PHEX: variants seen among roughly 807,000 people sequenced by gnomAD.
The protein encoded by PHEX is phosphate regulating endopeptidase X-linked, also known as phosphate-regulating neutral endopeptidase PHEX.
Under a neutral mutation model 68.0 loss-of-function variants are expected in PHEX, and 16 were observed. The ratio of observed to expected loss-of-function variants is 0.24; its 90% confidence interval spans 0.16 to 0.36. The LOEUF is 0.36. PHEX is among the 10% of genes least tolerant of loss of function. PHEX has a pLI of 1.00. For synonymous variants in PHEX, 208 were observed against 205.1 expected (o/e 1.01, Z -0.12); for missense variants, 480 against 575.5 (o/e 0.83, Z 1.70).
chrX:22,228,262 C>T lies in PHEX; in HGVS notation c.2070+651C>T, dbSNP rs542127270. Among the ~76,000 whole-genome samples the T allele has an allele frequency of 1.5e-4, 17 of 111,517 alleles. No individual in the cohort carries two copies. The South Asian group carries it at 6.3e-3, about 41-fold the overall frequency. ...TATACTGGTTTATGTCATAAACATA[C>T]GGGCAGCCTTTTCAAAGAAGTCAGG... On this transcript the variant is annotated intron_variant, in intron 20 of 21. Transcript: ENST00000379374.
chrX:22,133,336 T>C (rs775883106), intron 11 of PHEX, among the ~76,000 whole-genome samples, 187 bp from the exon 12 acceptor site: 1 of 112,088 alleles, frequency 8.9e-6, no homozygotes, highest in Non-Finnish European at 1.9e-5. Flanking sequence ...AGTTATCTTT[T>C]AGTGGTGGAA....
intron 12 of PHEX, among the ~76,000 whole-genome samples, chrX:22,139,598 C>T (rs1932371110): frequency 9.1e-6 from 1 of 110,445 alleles, no homozygotes; most frequent in South Asian, 3.9e-4. Flanking sequence ...ACCTTAGCCT[C>T]CTGAGTATCT....
At chrX:22,102,136 C>T (rs1930458205) in intron 9 of PHEX, among the ~76,000 whole-genome samples, 1 of 111,744 alleles carries the variant, frequency 8.9e-6, no homozygotes, top group Non-Finnish European at 1.9e-5. Flanking sequence ...ACTATAGTTA[C>T]CTGTTGTGCT....
rs1928715980 is a variant in PHEX at position 22,068,459 on chromosome X, T to A, written c.350-7929T>A. ...AATTCCATGAGGGCATAGCTGCCTCTCATTTAGCCACTGGGGGCCCATTCT... is the reference window on the plus strand; with the variant it reads ...AATTCCATGAGGGCATAGCTGCCTCACATTTAGCCACTGGGGGCCCATTCT... On this transcript the variant is annotated intron_variant, in intron 3 of 21. Transcript: ENST00000379374. Among the ~76,000 whole-genome samples the A allele has an allele frequency of 2.7e-5, 3 of 112,173 alleles. No individual in the cohort carries two copies. The Admixed American group carries it at 2.8e-4, about 11-fold the overall frequency.
In PHEX at chrX:22,245,347, C is replaced by T; in HGVS notation, c.2085C>T (p.Ser695=). 8.3e-7 allele frequency: 1 copy of T among 1,207,490 alleles called. No individual in the cohort carries two copies. The highest frequency in any genetic ancestry group is 1.1e-6 in the Non-Finnish European group (1 of 891,711). ...TTCTCTTCTAGGTGAGGTGCAATTC[C>T]TACAGACCAGAAGCTGCCCGAGAAC... ...FLSYAHVRCN[S]YRPEAAREQV... Residue 695 remains serine (S), a synonymous_variant, in exon 21 of 22, where the codon TCC becomes TCT. Coordinates refer to ENST00000379374, the MANE Select transcript of PHEX (RefSeq NM_000444.6).
At chrX:22,240,851 T>C (rs1936164609) in intron 20 of PHEX, among the ~76,000 whole-genome samples, 1 of 111,002 alleles carries the variant, frequency 9.0e-6, no homozygotes, top group South Asian at 3.8e-4. Context: ...CTGCCAACAC[T>C]AGACAGATTG....
intron 15 of PHEX, among the ~76,000 whole-genome samples, chrX:22,206,997 G>T (rs1358999440): frequency 8.9e-6 from 1 of 111,939 alleles, no homozygotes; most frequent in Non-Finnish European, 1.9e-5. Flanking sequence ...TGAGCCTGGG[G>T]TAATCACCCA....
intron 5 of PHEX, 68 bp from the exon 6 acceptor site, chrX:22,090,361 A>G: frequency 1.1e-5 from 9 of 855,962 alleles, no homozygotes; most frequent in Non-Finnish European, 1.4e-5. Flanking sequence ...CGATTTCATC[A>G]CTCTTGTTAA....
chrX:22,194,360 A>G (rs1934297361), intron 15 of PHEX, among the ~76,000 whole-genome samples: 1 of 111,326 alleles, frequency 9.0e-6, no homozygotes, highest in Non-Finnish European at 1.9e-5. Context: ...CTGGACTACA[A>G]ATTAAGACAG....
At chrX:22,241,065 TAAC>T (rs1569440729) in intron 20 of PHEX, among the ~76,000 whole-genome samples, 4 of 111,864 alleles carry the variant, frequency 3.6e-5, no homozygotes, top group African/African-American at 1.3e-4. Context: ...ATGAAAATCA[TAAC>T]AAACAGTCTC....
intron 9 of PHEX, among the ~76,000 whole-genome samples, chrX:22,110,383 A>C (rs941924817): frequency 4.4e-5 from 5 of 112,517 alleles, no homozygotes; most frequent in African/African-American, 1.6e-4. Flanking sequence ...AAAGCAAGTA[A>C]GATAATTTTT....
chrX:22,131,019 T>C (rs1931970295), intron 11 of PHEX, among the ~76,000 whole-genome samples: 1 of 110,892 alleles, frequency 9.0e-6, no homozygotes, highest in Non-Finnish European at 1.9e-5. Flanking sequence ...TTTTATTTTA[T>C]TTAGAAATTT....
At chrX:22,231,964 T>G (rs1013694066) in intron 20 of PHEX, among the ~76,000 whole-genome samples, 1 of 111,860 alleles carries the variant, frequency 8.9e-6, no homozygotes, top group Non-Finnish European at 1.9e-5. Context: ...TTCTGGTACA[T>G]TGTGTCTTTG....
chrX:22,230,429 G>C lies in PHEX; in HGVS notation c.2070+2818G>C, dbSNP rs5904631. Reference sequence around the variant, plus strand: ...CATGAGCATGGAATGTTTTTCCATTGGTTTGTGTTCTCTCTTATTTCCTTG... The same window carrying C: ...CATGAGCATGGAATGTTTTTCCATTCGTTTGTGTTCTCTCTTATTTCCTTG... On this transcript the variant is annotated intron_variant, in intron 20 of 21. Coordinates refer to ENST00000379374, the MANE Select transcript of PHEX (RefSeq NM_000444.6). Among the ~76,000 whole-genome samples, 5 of 106,273 alleles carry C rather than the reference G, an allele frequency of 4.7e-5. No individual in the cohort carries two copies. The East Asian group carries it at 1.5e-3, about 31-fold the overall frequency. The allele number at this position is 106,273 out of a possible 115,157, so 92.3% of individuals were successfully genotyped here.
chrX:22,052,707 G>C (rs1489997880), intron 3 of PHEX, among the ~76,000 whole-genome samples: 1 of 110,384 alleles, frequency 9.1e-6, no homozygotes, highest in Non-Finnish European at 1.9e-5. Flanking sequence ...ACCTAGTTCA[G>C]TTTTCTTATC....
chrX:22,055,788 G>A (rs780454105), intron 3 of PHEX, among the ~76,000 whole-genome samples: 2 of 111,725 alleles, frequency 1.8e-5, no homozygotes, highest in Non-Finnish European at 3.8e-5. Flanking sequence ...CTTAAACTCC[G>A]ATCTCAGTTG....
In PHEX at chrX:22,041,976, G is replaced by T. The variant is rs185171498; in HGVS notation, c.187+3439G>T. Among the ~76,000 whole-genome samples the T allele has an allele frequency of 9.0e-3, 997 of 111,143 alleles. 11 individuals are homozygous for T. Among genetic ancestry groups the T allele is most frequent in the African/African-American group, 0.031 (937 of 30,544 alleles). On this transcript the variant is annotated intron_variant, in intron 2 of 21. Transcript: ENST00000379374. ...AATGTTGAAAAAAAATATTGATTTT[G>T]CTGTTTCTGGAGTGAAAGGCTCACC...
rs767448778 is a variant in PHEX at position 22,242,325 on chromosome X, T to A, written c.2071-3008T>A. 3.6e-5 allele frequency among the ~76,000 whole-genome samples: 4 copies of A among 112,029 alleles called. No homozygotes were observed. The East Asian group carries it at 1.1e-3, about 31-fold the overall frequency. On this transcript the variant is annotated intron_variant, in intron 20 of 21. Transcript: ENST00000379374. ...GACAAACCCACAGCCAATATCATAC[T>A]GATTGGGCAAAAACTGGAAGCATTC...
At chrX:22,082,906 C>T (rs568557713) in intron 5 of PHEX, among the ~76,000 whole-genome samples, 1 of 112,000 alleles carries the variant, frequency 8.9e-6, no homozygotes, top group African/African-American at 3.2e-5. Context: ...CCAAAGCAAT[C>T]CTAAGCAAAA....
Sources: gnomAD v4.1 joint callset for allele counts (sites outside exome capture counted in the v4.1 genomes callset) on GRCh38, gnomAD v4.1.1 for gene constraint, MANE v1.5 for transcripts, NCBI Gene and HGNC (gene_info 2026-07-23, HGNC 2026-07-21) for gene names.